Variants in NRXN3 observed in about 807,000 individuals in gnomAD.
NRXN3 encodes the protein neurexin 3, also known as neurexin III.
A neutral mutation model predicts 137.6 loss-of-function variants in NRXN3; 32 were observed. The observed-to-expected ratio is 0.23, with a 90% CI of 0.18 to 0.31. NRXN3 has a LOEUF of 0.31. Ranked by LOEUF, NRXN3 falls within the 10% of genes least tolerant of loss-of-function variation. The pLI is 1.00. For synonymous variants in NRXN3, 798 were observed against 784.5 expected, an observed-to-expected ratio of 1.02 and a Z score of -0.29; for missense variants, 1,574 against 2,062.5, an observed-to-expected ratio of 0.76 and a Z score of 4.59.
intron 15 of NRXN3, among the ~76,000 whole-genome samples, chr14:79,045,903 G>A (rs1217108881): frequency 1.3e-5 from 2 of 152,166 alleles, no homozygotes; most frequent in Non-Finnish European, 2.9e-5. Flanking sequence ...ACTCCCAAGT[G>A]ATGCTGATGC....
chr14:79,393,294 G>T (rs1209299693), intron 15 of NRXN3, among the ~76,000 whole-genome samples: 1 of 152,144 alleles, frequency 6.6e-6, no homozygotes, highest in Non-Finnish European at 1.5e-5. Flanking sequence ...CCAGAAATAA[G>T]GAGAAGGGCA....
chr14:79,155,559 A>C (rs1322670140), intron 15 of NRXN3, among the ~76,000 whole-genome samples: 1 of 151,892 alleles, frequency 6.6e-6, no homozygotes, highest in Non-Finnish European at 1.5e-5. Context: ...CAAAATATAT[A>C]ATTCTAAAGT....
At chr14:78,323,312 A>G (rs1011579682) in intron 4 of NRXN3, among the ~76,000 whole-genome samples, 1 of 151,934 alleles carries the variant, frequency 6.6e-6, no homozygotes, top group African/African-American at 2.4e-5. Context: ...GTTGGGAAAG[A>G]ATGAAGAGAG....
chr14:79,507,061 C>G (rs1269908430), intron 16 of NRXN3, among the ~76,000 whole-genome samples: 2 of 152,170 alleles, frequency 1.3e-5, no homozygotes, highest in Admixed American at 1.3e-4. Context: ...CTCTAATAGA[C>G]AGAGTCACAT....
At chr14:79,537,515 C>T (rs1450659557) in intron 16 of NRXN3, among the ~76,000 whole-genome samples, 1 of 152,076 alleles carries the variant, frequency 6.6e-6, no homozygotes, top group African/African-American at 2.4e-5. Context: ...TGTTCAATTC[C>T]CACCTATGAG....
intron 4 of NRXN3, among the ~76,000 whole-genome samples, chr14:78,561,005 A>AGCCC (rs2096781247): frequency 6.6e-6 from 1 of 152,212 alleles, no homozygotes; most frequent in Non-Finnish European, 1.5e-5. Flanking sequence ...CTGCAGTAAT[A>AGCCC]CATTACTTCC....
At chr14:78,634,666 A>G (rs1234431471) in intron 4 of NRXN3, among the ~76,000 whole-genome samples, 1 of 152,180 alleles carries the variant, frequency 6.6e-6, no homozygotes, top group Non-Finnish European at 1.5e-5. Context: ...CTTTTTGTAA[A>G]GACTTAGTCA....
At chr14:79,573,201 G>A (rs753435656) in intron 16 of NRXN3, among the ~76,000 whole-genome samples, 5 of 152,158 alleles carry the variant, frequency 3.3e-5, no homozygotes, top group Admixed American at 1.3e-4. Context: ...AGGAACAGAA[G>A]ATGTGAGGAA....
intron 15 of NRXN3, among the ~76,000 whole-genome samples, chr14:79,168,976 A>G (rs2061534368): frequency 6.6e-6 from 1 of 152,090 alleles, no homozygotes. Context: ...TTCTCACAAT[A>G]TTGAACATAG....
Position 79,863,620 on chromosome 14 carries a change from C to CTGTT in NRXN3, c.*1658_*1661dup, listed in dbSNP as rs1309391595. Reference sequence around the variant, plus strand: ...TACTGCTTTAAGAAATGTTTTTTTCCTGTTTATTTCTGTTTGGTTTATATT... The same window carrying CTGTT: ...TACTGCTTTAAGAAATGTTTTTTTCCTGTTTGTTTATTTCTGTTTGGTTTATATT... On this transcript the variant is annotated 3_prime_UTR_variant, in exon 21 of 21. Transcript: ENST00000335750. 6.6e-6 allele frequency: 1 copy of CTGTT among 151,906 alleles called. No individual in the cohort carries two copies. The highest frequency in any genetic ancestry group is 1.9e-4 in the East Asian group (1 of 5,156). 9.4% of individuals were successfully genotyped at this position (151,906 alleles called of 1,614,324 possible).
intron 20 of NRXN3, among the ~76,000 whole-genome samples, chr14:79,856,609 T>A (rs1190504210): frequency 9.2e-6 from 1 of 108,378 alleles, no homozygotes; most frequent in African/African-American, 3.4e-5. Context: ...TCATGCTTGT[T>A]TTTTTGTTCT....
intron 4 of NRXN3, among the ~76,000 whole-genome samples, chr14:78,520,982 A>G (rs1474794662): frequency 1.3e-5 from 2 of 152,196 alleles, no homozygotes; most frequent in African/African-American, 2.4e-5. Flanking sequence ...GGTCAGATTT[A>G]TGACTTCTGA....
At position 78,650,616 on chromosome 14, in the gene NRXN3, T is replaced by C. The variant is rs561942341; in HGVS notation, c.1060-549T>C. Among the ~76,000 whole-genome samples the C allele has an allele frequency of 1.6e-4, 25 of 151,600 alleles. No individual in the cohort carries two copies. In the South Asian group the frequency reaches 2.7e-3, roughly 17 times the overall value. Reference sequence around the variant, plus strand: ...CAGAATCAAGACCCTTCTCCTTCCCTCCCTGAATGCATGTTTGTCAGCGTG... The same window carrying C: ...CAGAATCAAGACCCTTCTCCTTCCCCCCCTGAATGCATGTTTGTCAGCGTG... On this transcript the variant is annotated intron_variant, in intron 5 of 20. Transcript: ENST00000335750.
chr14:79,607,301 G>A (rs1267793424), intron 16 of NRXN3, among the ~76,000 whole-genome samples: 1 of 152,134 alleles, frequency 6.6e-6, no homozygotes, highest in Non-Finnish European at 1.5e-5. Flanking sequence ...TGAAAACACA[G>A]GTGTTAAACA....
intron 15 of NRXN3, among the ~76,000 whole-genome samples, chr14:79,462,586 A>T (rs545537212): frequency 6.6e-6 from 1 of 150,820 alleles, no homozygotes; most frequent in East Asian, 1.9e-4. Context: ...AAGAAACGAT[A>T]GATCACTCAC....
rs1413090484 is a variant in NRXN3 at position 79,192,765 on chromosome 14, A to ATTCTT, written c.3262+204626_3262+204627insCTTTT. 1.5e-3 allele frequency among the ~76,000 whole-genome samples: 178 copies of ATTCTT among 115,286 alleles called. 3 individuals are homozygous for ATTCTT. The highest frequency in any genetic ancestry group is 4.6e-3 in the East Asian group (17 of 3,668). The allele number at this position is 115,286 out of a possible 152,430, so 75.6% of individuals were successfully genotyped here. On this transcript the variant is annotated intron_variant, in intron 15 of 20. Transcript: ENST00000335750. ...TAAAAAGACATGTACAATTCTCTTA[A>ATTCTT]TTTTTTTTTTTTTTTTTTTTTTTGA...
intron 4 of NRXN3, among the ~76,000 whole-genome samples, chr14:78,416,041 A>G (rs771794239): frequency 8.5e-5 from 13 of 152,230 alleles, no homozygotes; most frequent in Non-Finnish European, 1.6e-4. Context: ...CGTCAATTCT[A>G]TAAGTAAAGC....
chr14:79,529,945 T>C (rs1009529019), intron 16 of NRXN3, among the ~76,000 whole-genome samples: 2 of 152,332 alleles, frequency 1.3e-5, no homozygotes, highest in East Asian at 3.9e-4. Flanking sequence ...ATTCATTGTT[T>C]GGTTTTGAAT....
chr14:79,853,228 T>C (rs2099395628), intron 20 of NRXN3, among the ~76,000 whole-genome samples: 2 of 152,236 alleles, frequency 1.3e-5, no homozygotes, highest in Non-Finnish European at 2.9e-5. Flanking sequence ...TAGATGGGGC[T>C]GTGTGGCTGC....
Sources: allele counts gnomAD v4.1 joint callset (sites outside exome capture counted in the v4.1 genomes callset), GRCh38; gene constraint gnomAD v4.1.1; transcripts MANE v1.5; gene names NCBI Gene and HGNC (gene_info 2026-07-23, HGNC 2026-07-21).